RAB6A: variants seen among roughly 807,000 people sequenced by gnomAD.
The protein encoded by RAB6A is RAB6A, member RAS oncogene family.
Under a neutral mutation model 32.3 loss-of-function variants are expected in RAB6A, and 8 were observed. The ratio of observed to expected loss-of-function variants is 0.25; its 90% CI spans 0.15 to 0.45. RAB6A has a LOEUF of 0.45. RAB6A is among the 20% of genes least tolerant of loss of function. The pLI, the probability that RAB6A is intolerant of heterozygous loss-of-function variation, is 1.00. For synonymous variants in RAB6A, 73 were observed against 82.1 expected (o/e 0.89, Z 0.60); for missense variants, 104 against 249.4 (o/e 0.42, Z 3.93).
At chr11:73,685,592 G>GTCTTTTTTTTTTTTTTTTTTTTTTTTT (rs1555054185) in intron 6 of RAB6A, among the ~76,000 whole-genome samples, 1 of 145,052 alleles carries the variant, frequency 6.9e-6, no homozygotes, top group Non-Finnish European at 1.5e-5. Flanking sequence ...CGGACTGAAA[G>GTCTTTTTTTTTTTTTTTTTTTTTTTTT]TAGCGACCAG....
intron 5 of RAB6A, among the ~76,000 whole-genome samples, chr11:73,714,400 G>A (rs889783337): frequency 2.6e-5 from 4 of 151,716 alleles, no homozygotes; most frequent in Admixed American, 6.6e-5. Flanking sequence ...GGTGACTCAC[G>A]CCTGTAATCC....
At chr11:73,715,730 C>T (rs533233148) in intron 5 of RAB6A, among the ~76,000 whole-genome samples, 3 of 152,310 alleles carry the variant, frequency 2.0e-5, no homozygotes, top group Admixed American at 2.0e-4. Flanking sequence ...TTGAATATCG[C>T]TTTGCTCATT....
intron 4 of RAB6A, among the ~76,000 whole-genome samples, chr11:73,716,695 G>A (rs1456202173): frequency 6.6e-6 from 1 of 151,948 alleles, no homozygotes; most frequent in East Asian, 1.9e-4. Flanking sequence ...GTGTCACATT[G>A]CCACAATGCT....
At chr11:73,735,945 G>GAA (rs1565372259) in intron 1 of RAB6A, among the ~76,000 whole-genome samples, 1 of 129,628 alleles carries the variant, frequency 7.7e-6, no homozygotes, top group East Asian at 2.3e-4. Context: ...AAAAGAGAGA[G>GAA]AGAGACAGAG....
At chr11:73,714,208 A>AG (rs55723806) in intron 5 of RAB6A, among the ~76,000 whole-genome samples, 1 of 74,144 alleles carries the variant, frequency 1.3e-5, no homozygotes, top group African/African-American at 4.4e-5. Context: ...AAAAAAAAAA[A>AG]AATATATATA....
chr11:73,739,263 TAAA>T (rs58629008), intron 1 of RAB6A, among the ~76,000 whole-genome samples: 260 of 9,380 alleles, frequency 0.028, 17 homozygotes, highest in African/African-American at 0.082. Flanking sequence ...TAATAATAAT[TAAA>T]AAAAAAAAAA....
intron 1 of RAB6A, among the ~76,000 whole-genome samples, chr11:73,731,731 T>TATATATATATAC (rs1346850332): frequency 2.4e-4 from 4 of 16,978 alleles, no homozygotes; most frequent in African/African-American, 6.1e-4. Flanking sequence ...TATATATATA[T>TATATATATATAC]ACACACACAC....
Position 73,683,251 on chromosome 11 carries a change from C to CT in RAB6A, c.496-3532dup, listed in dbSNP as rs34363473. 4.1e-3 allele frequency among the ~76,000 whole-genome samples: 384 copies of CT among 92,540 alleles called. 2 individuals carry two copies. The highest frequency in any genetic ancestry group is 0.011 in the Middle Eastern group (2 of 182). 60.7% of individuals were successfully genotyped at this position (92,540 alleles called of 152,430 possible). A position where few individuals can be genotyped will look rare whatever the true frequency, so the allele number is the denominator to read the frequency against. On this transcript the variant is annotated intron_variant, in intron 6 of 7. Transcript: ENST00000336083. The stretch of plus-strand genomic sequence containing the variant: ...CTGCATAATAACGATATAGACCCAT[C>CT]TTTTTTTTTTTTTTTTTTTTTGGAG...
intron 5 of RAB6A, among the ~76,000 whole-genome samples, chr11:73,708,906 A>G (rs868863831): frequency 6.6e-6 from 1 of 152,204 alleles, no homozygotes; most frequent in South Asian, 2.1e-4. Flanking sequence ...TGCCTACAAG[A>G]AATTATTATT....
intron 6 of RAB6A, among the ~76,000 whole-genome samples, chr11:73,681,117 T>C (rs1945349735): frequency 6.6e-6 from 1 of 152,224 alleles, no homozygotes. Flanking sequence ...TACCAAGTAC[T>C]TGCTTACTTG....
intron 1 of RAB6A, among the ~76,000 whole-genome samples, chr11:73,747,665 T>C (rs924075289): frequency 7.2e-5 from 11 of 152,176 alleles, no homozygotes; most frequent in Admixed American, 7.2e-4. Context: ...GGATCCCACA[T>C]TGCATTTAGC....
At chr11:73,742,285 A>T (rs1946509317) in intron 1 of RAB6A, among the ~76,000 whole-genome samples, 1 of 151,522 alleles carries the variant, frequency 6.6e-6, no homozygotes, top group Non-Finnish European at 1.5e-5. Flanking sequence ...CTGTCTCAAA[A>T]ATAAATAAAT....
At chr11:73,710,596 G>A (rs1945940755) in intron 5 of RAB6A, among the ~76,000 whole-genome samples, 1 of 151,932 alleles carries the variant, frequency 6.6e-6, no homozygotes, top group Non-Finnish European at 1.5e-5. Context: ...AATTAGCTGG[G>A]TGTGGCGGTG....
At position 73,707,386 on chromosome 11, in the gene RAB6A, A is replaced by AT. The variant is rs766804100; in HGVS notation, c.495+33dup. 2.7e-6 allele frequency: 4 copies of AT among 1,463,290 alleles called. No individual in the cohort carries two copies. In the African/African-American group the frequency reaches 4.2e-5, roughly 15 times the overall value. The allele number at this position is 1,463,290 out of a possible 1,614,324, so 90.6% of individuals were successfully genotyped here. The stretch of plus-strand genomic sequence containing the variant: ...TAGAATACTCACACAATTATTTCAT[A>AT]TTTTTTCAATTTGGTAACCTCAACT... On this transcript the variant is annotated intron_variant, in intron 6 of 7. Transcript: ENST00000336083.
At chr11:73,728,018 A>T (rs1205643469) in intron 2 of RAB6A, among the ~76,000 whole-genome samples, 2 of 152,208 alleles carry the variant, frequency 1.3e-5, no homozygotes, top group Non-Finnish European at 2.9e-5. Context: ...AGGCAGTTTA[A>T]ATCTATGCTC....
intron 1 of RAB6A, among the ~76,000 whole-genome samples, chr11:73,738,093 G>A (rs1382214912): frequency 1.3e-5 from 2 of 151,552 alleles, no homozygotes; most frequent in African/African-American, 4.9e-5. Context: ...GTAAACTTTA[G>A]CTCCATAAAG....
chr11:73,702,044 GA>G (rs1325891298), intron 6 of RAB6A, among the ~76,000 whole-genome samples: 1 of 152,170 alleles, frequency 6.6e-6, no homozygotes. Context: ...CAAAATACAA[GA>G]AGTAACAGCT....
At chr11:73,753,182 C>T (rs985800726) in intron 1 of RAB6A, among the ~76,000 whole-genome samples, 1 of 152,086 alleles carries the variant, frequency 6.6e-6, no homozygotes, top group East Asian at 1.9e-4. Context: ...CCCAGGAGCT[C>T]GTGGCTGCAG....
intron 1 of RAB6A, among the ~76,000 whole-genome samples, chr11:73,753,089 A>G (rs770575680): frequency 1.2e-4 from 19 of 152,040 alleles, no homozygotes; most frequent in Non-Finnish European, 4.4e-5. Flanking sequence ...TTGCTAAAAA[A>G]ATTTTTTTTA....
Sources: gnomAD v4.1 joint callset for allele counts (sites outside exome capture counted in the v4.1 genomes callset) on GRCh38, gnomAD v4.1.1 for gene constraint, MANE v1.5 for transcripts, NCBI Gene and HGNC (gene_info 2026-07-23, HGNC 2026-07-21) for gene names.